Variants in TOPBP1 observed in about 807,000 individuals in gnomAD.
TOPBP1 encodes the protein DNA topoisomerase II binding protein 1.
In TOPBP1, 28 loss-of-function variants were observed where a neutral mutation model predicts 167.7. That is an observed-to-expected ratio of 0.17 (90% CI 0.12 to 0.23). The LOEUF (loss-of-function observed/expected upper bound fraction) is 0.23. Ranked by LOEUF, TOPBP1 falls within the 10% of genes least tolerant of loss-of-function variation. The probability of loss-of-function intolerance (pLI) is 1.00; values close to 1 mark genes in which losing one functional copy is unlikely to be tolerated. For synonymous variants in TOPBP1, 598 were observed against 611.4 expected, an observed-to-expected ratio of 0.98 and a Z score of 0.32; for missense variants, 1,554 against 1,809.6, an observed-to-expected ratio of 0.86 and a Z score of 2.56.
chr3:133,618,234 C>G lies in TOPBP1; in HGVS notation c.3571G>C (p.Asp1191His), dbSNP rs757283119. 6.2e-7 allele frequency: 1 copy of G among 1,613,836 alleles called. No individual in the cohort carries two copies. Among genetic ancestry groups the G allele is most frequent in the Non-Finnish European group, 8.5e-7 (1 of 1,179,760 alleles). ...EDSPFQKPLH[D>H]SEIAKQAVCD... ...TTACCCTGTTTAGCAATTTCTGAAT[C>G]ATGTAAAGGCTTTTGAAAAGGAGAA... Residue 1191 changes from aspartate to histidine, a missense_variant, in exon 21 of 28, where the codon GAT becomes CAT. By Grantham distance (81) the Asp-to-His change is moderately conservative. Coordinates refer to ENST00000260810, the MANE Select transcript of TOPBP1 (RefSeq NM_007027.4).
chr3:133,657,911 C>A lies in TOPBP1; in HGVS notation c.250G>T (p.Val84Phe). The change falls in exon 4 of 28, where the codon GTC (valine) becomes TTC (phenylalanine). Residue 84 changes from valine to phenylalanine, a missense_variant. By Grantham distance (50) the Val-to-Phe change is conservative. Around this residue, in one of 3 missense-constraint regions of TOPBP1, gnomAD observed 1,197 missense variants for 1,351.5 expected, o/e 0.89. Transcript: ENST00000260810. ...CGCTGGTGGTGCATACAAAATATGA[C>A]TACTTGAGGACCAACAATTCTGCAG... ...LGCRIVGPQV[V>F]IFCMHHQRCV... The A allele has an allele frequency of 6.3e-7, 1 of 1,587,824 alleles. No individual in the cohort carries two copies. The highest frequency in any genetic ancestry group is 1.4e-5 in the African/African-American group (1 of 73,078).
chr3:133,620,449 A>T, intron 19 of TOPBP1, 102 bp from the exon 20 acceptor site: 1 of 1,173,534 alleles, frequency 8.5e-7, no homozygotes, highest in Non-Finnish European at 1.2e-6. Flanking sequence ...AAACTTATTG[A>T]CTTGACATTT....
intron 12 of TOPBP1, 62 bp from the exon 13 acceptor site, chr3:133,640,232 A>G (rs1341720162): frequency 2.1e-6 from 3 of 1,402,372 alleles, no homozygotes; most frequent in East Asian, 4.9e-5. Context: ...CAAAACTAAC[A>G]AAATTTCCAA....
rs1324523633 is a variant in TOPBP1 at position 133,649,426 on chromosome 3, A to G, written c.1461T>C (p.Asp487=). ...TTTCATATTGAGAGAGCAGATCTTC[A>G]TCAGCTTGCTCATGCTTTTCACTAG... ...FAPSEKHEQA[D]EDLLSQYENG... Residue 487 remains aspartate, a synonymous_variant, in exon 10 of 28, where the codon GAT becomes GAC. Coordinates refer to ENST00000260810, the MANE Select transcript of TOPBP1 (RefSeq NM_007027.4). The G allele has an allele frequency of 2.5e-6, 4 of 1,613,844 alleles. No homozygotes were observed. The Admixed American group carries it at 5.0e-5, about 20-fold the overall frequency.
At chr3:133,649,348 T>C in intron 10 of TOPBP1, 35 bp downstream of exon 10, 1 of 1,591,668 alleles carries the variant, frequency 6.3e-7, no homozygotes, top group Non-Finnish European at 8.5e-7. Context: ...AAAATATTTC[T>C]TACTAACTAC....
intron 14 of TOPBP1, among the ~76,000 whole-genome samples, chr3:133,636,089 G>C (rs2107804175): frequency 6.6e-6 from 1 of 151,988 alleles, no homozygotes; most frequent in Admixed American, 6.6e-5. Context: ...GTTATTAGAA[G>C]TCAGGAGTAT....
At chr3:133,657,749 T>C (rs751766978) in intron 4 of TOPBP1, 49 bp downstream of exon 4, 1 of 1,393,690 alleles carries the variant, frequency 7.2e-7, no homozygotes, top group South Asian at 1.8e-5. Flanking sequence ...AAATTAAGAA[T>C]AAGAGATAGA....
intron 14 of TOPBP1, among the ~76,000 whole-genome samples, chr3:133,635,738 T>C (rs192786044): frequency 6.6e-6 from 1 of 152,338 alleles, no homozygotes; most frequent in Non-Finnish European, 1.5e-5. Flanking sequence ...TGTCATTCTC[T>C]ACTGAAGCTG....
At chr3:133,612,923 A>T (rs552057573) in intron 23 of TOPBP1, among the ~76,000 whole-genome samples, 213 of 152,188 alleles carry the variant, frequency 1.4e-3, no homozygotes, top group African/African-American at 4.6e-3. Context: ...ACTGGAGTGC[A>T]GTGGCATGAT....
chr3:133,657,024 T>C (rs887603052), intron 4 of TOPBP1, among the ~76,000 whole-genome samples, 167 bp from the exon 5 acceptor site: 2 of 152,190 alleles, frequency 1.3e-5, no homozygotes, highest in Admixed American at 1.3e-4. Flanking sequence ...GAGATAAGTA[T>C]GAATTATATT....
In TOPBP1 at chr3:133,618,235, A is replaced by G; in HGVS notation, c.3570T>C (p.His1190=). ...TACCCTGTTTAGCAATTTCTGAATC[A>G]TGTAAAGGCTTTTGAAAAGGAGAAT... ...LEDSPFQKPL[H]DSEIAKQAVC... is the part of the protein sequence containing the mutation. The change falls in exon 21 of 28, where the codon CAT becomes CAC. Residue 1190 remains histidine (H), a synonymous_variant. Transcript: ENST00000260810. The G allele has an allele frequency of 6.2e-6, 10 of 1,613,878 alleles. No homozygotes were observed. Among genetic ancestry groups the G allele is most frequent in the East Asian group, 2.2e-5 (1 of 44,888 alleles).
intron 27 of TOPBP1, among the ~76,000 whole-genome samples, chr3:133,605,520 GA>G (rs1176253143): frequency 1.3e-5 from 2 of 151,812 alleles, no homozygotes; most frequent in Non-Finnish European, 2.9e-5. Context: ...GAAGGAAAGA[GA>G]AAAACCTTAT....
intron 14 of TOPBP1, among the ~76,000 whole-genome samples, chr3:133,630,207 C>A (rs1443475143): frequency 3.3e-5 from 5 of 150,974 alleles, no homozygotes; most frequent in Non-Finnish European, 7.4e-5. Context: ...CTTTTATATT[C>A]ATTTGTATGA....
chr3:133,610,792 T>C (rs997479210), intron 25 of TOPBP1, among the ~76,000 whole-genome samples: 3 of 152,134 alleles, frequency 2.0e-5, no homozygotes, highest in African/African-American at 7.2e-5. Flanking sequence ...CAAGAACCCC[T>C]GACATTAGAT....
intron 14 of TOPBP1, among the ~76,000 whole-genome samples, chr3:133,630,075 C>A (rs963747929): frequency 6.6e-6 from 1 of 151,850 alleles, no homozygotes; most frequent in Non-Finnish European, 1.5e-5. Context: ...CGTGAGCCAC[C>A]GCGCCTGGCT....
At chr3:133,651,524 A>T (rs1936304732) in intron 8 of TOPBP1, among the ~76,000 whole-genome samples, 1 of 152,112 alleles carries the variant, frequency 6.6e-6, no homozygotes, top group Non-Finnish European at 1.5e-5. Flanking sequence ...GTAGGGTTAA[A>T]TTTTTGCTAC....
rs780434493 is a variant in TOPBP1, at chr3:133,608,602, A to G, written c.4358T>C (p.Ile1453Thr). Residue 1453 changes from isoleucine to threonine, a missense_variant, in exon 27 of 28, where the codon ATA becomes ACA. Coordinates refer to ENST00000260810, the MANE Select transcript of TOPBP1 (RefSeq NM_007027.4). ...CACGTTCTGGGCAGCAGCTTCTGCTATATTAACTCCTGAGTCATCTGGTTT... is the reference window on the plus strand; with the variant it reads ...CACGTTCTGGGCAGCAGCTTCTGCTGTATTAACTCCTGAGTCATCTGGTTT... ...KLKPDDSGVN[I>T]AEAAAQNVYC... 36 of 1,613,854 alleles carry G rather than the reference A, an allele frequency of 2.2e-5. No individual in the cohort carries two copies. In the East Asian group the frequency reaches 7.1e-4, roughly 32 times the overall value.
intron 10 of TOPBP1, among the ~76,000 whole-genome samples, chr3:133,647,255 G>A (rs940163098): frequency 6.6e-6 from 1 of 152,154 alleles, no homozygotes; most frequent in Non-Finnish European, 1.5e-5. Context: ...CCTCAAAGTA[G>A]GTTTGGGTAT....
At chr3:133,629,427 C>A (rs1299836030) in intron 14 of TOPBP1, among the ~76,000 whole-genome samples, 1 of 152,154 alleles carries the variant, frequency 6.6e-6, no homozygotes, top group Non-Finnish European at 1.5e-5. Flanking sequence ...ACCTTTTAAG[C>A]AAAATGTATC....
Sources: allele counts gnomAD v4.1 joint callset (sites outside exome capture counted in the v4.1 genomes callset), GRCh38; gene constraint gnomAD v4.1.1; regional missense constraint gnomAD v4.1.1; transcripts MANE v1.5; gene names NCBI Gene and HGNC (gene_info 2026-07-23, HGNC 2026-07-21).